Variants in ZNF181 observed in about 807,000 individuals in gnomAD.
The protein encoded by ZNF181 is zinc finger protein 181.
ZNF181 carries 8 observed loss-of-function variants against 11.9 expected under a neutral mutation model. The ratio of observed to expected loss-of-function variants is 0.67; its 90% confidence interval spans 0.39 to 1.21. The LOEUF (loss-of-function observed/expected upper bound fraction) is 1.21. Ranked by LOEUF, ZNF181 falls within the 50% of genes most tolerant of loss-of-function variation. ZNF181 has a pLI of 0.01. For synonymous variants in ZNF181, 202 were observed against 221.1 expected (o/e 0.91, Z 0.77); for missense variants, 542 against 670.9 (o/e 0.81, Z 2.12).
intron 1 of ZNF181, among the ~76,000 whole-genome samples, chr19:34,737,533 G>T (rs1360912344): frequency 6.6e-6 from 1 of 152,188 alleles, no homozygotes; most frequent in Non-Finnish European, 1.5e-5. Flanking sequence ...TTACTAAAAA[G>T]TAATATTGTG....
chr19:34,737,176 G>A (rs963947557), intron 1 of ZNF181, among the ~76,000 whole-genome samples: 3 of 152,196 alleles, frequency 2.0e-5, no homozygotes, highest in African/African-American at 7.2e-5. Context: ...AGTTGATTTA[G>A]TGATTATTAA....
At chr19:34,737,343 A>G (rs556490518) in intron 1 of ZNF181, among the ~76,000 whole-genome samples, 1 of 152,376 alleles carries the variant, frequency 6.6e-6, no homozygotes, top group South Asian at 2.1e-4. Context: ...CATGCAAAAT[A>G]TCCAAATAAT....
chr19:34,738,301 C>T (rs748906449), intron 1 of ZNF181, among the ~76,000 whole-genome samples: 5 of 151,722 alleles, frequency 3.3e-5, no homozygotes, highest in Non-Finnish European at 4.4e-5. Flanking sequence ...GGTGGAAGGG[C>T]GAAGAGAAGA....
Position 34,740,838 on chromosome 19 carries a change from A to G in ZNF181, c.457A>G (p.Ser153Gly). Residue 153 changes from serine (S) to glycine (G), a missense_variant, in exon 4 of 4, where the codon AGT becomes GGT. By Grantham distance (56) the Ser-to-Gly change is moderately conservative (BLOSUM62 0). Transcript: ENST00000492450. ...LTSRESPTADSVYKYNIFRST... is the reference protein window; with the variant it reads ...LTSRESPTADGVYKYNIFRST... ...CTCTAGAGAAAGCCCCACTGCAGAC[A>G]GTGTTTACAAATACAATATATTTAG... 2 of 1,614,158 alleles carry G rather than the reference A, an allele frequency of 1.2e-6. No homozygotes were observed. The highest frequency in any genetic ancestry group is 1.7e-6 in the Non-Finnish European group (2 of 1,180,014).
At chr19:34,738,549 TG>T (rs1213432302) in intron 1 of ZNF181, among the ~76,000 whole-genome samples, 54 of 151,826 alleles carry the variant, frequency 3.6e-4, no homozygotes, top group African/African-American at 1.2e-3. Flanking sequence ...TTTTTGTTTT[TG>T]TTTTTTTTTT....
rs1049018652 is a variant in ZNF181, at chr19:34,740,510, G to A, written c.230-101G>A. The A allele has an allele frequency of 1.3e-5, 15 of 1,164,762 alleles. No individual in the cohort carries two copies. The African/African-American group carries it at 2.2e-4, about 17-fold the overall frequency. The allele number at this position is 1,164,762 out of a possible 1,614,324, so 72.2% of individuals were successfully genotyped here. A position where few individuals can be genotyped will look rare whatever the true frequency, so the allele number is the denominator to read the frequency against. On this transcript the variant is annotated intron_variant, in intron 3 of 3. Coordinates refer to ENST00000492450, the MANE Select transcript of ZNF181 (RefSeq NM_001029997.4). ...TGTCAGAACTATGTGTTTTCTGGGGGCTTCATTTCTAATCCAGTTCTCCTA... is the reference window on the plus strand; with the variant it reads ...TGTCAGAACTATGTGTTTTCTGGGGACTTCATTTCTAATCCAGTTCTCCTA...
rs952825958 is a variant in ZNF181, at chr19:34,741,407, T to C, written c.1026T>C (p.Ile342=). The change falls in exon 4 of 4, where the codon ATT becomes ATC. Residue 342 remains isoleucine (I), a synonymous_variant. Coordinates refer to ENST00000492450, the MANE Select transcript of ZNF181 (RefSeq NM_001029997.4). ...RVSHLIEHLR[I]HTQEKLYECR... ...CCCATCTTATTGAACATCTAAGAATTCATACTCAAGAAAAACTCTATGAGT... is the reference window on the plus strand; with the variant it reads ...CCCATCTTATTGAACATCTAAGAATCCATACTCAAGAAAAACTCTATGAGT... 7 of 1,613,788 alleles carry C rather than the reference T, an allele frequency of 4.3e-6. No homozygotes were observed. The highest frequency in any genetic ancestry group is 5.1e-6 in the Non-Finnish European group (6 of 1,179,876).
rs2069019756 is a variant in ZNF181, at chr19:34,744,899, A to G, written c.*2802A>G. The G allele has an allele frequency of 6.6e-6, 1 of 152,184 alleles. No homozygotes were observed. Among genetic ancestry groups the G allele is most frequent in the South Asian group, 2.1e-4 (1 of 4,820 alleles). The allele number at this position is 152,184 out of a possible 1,614,324, so 9.4% of individuals were successfully genotyped here. A position where few individuals can be genotyped will look rare whatever the true frequency, so the allele number is the denominator to read the frequency against. On this transcript the variant is annotated 3_prime_UTR_variant, in exon 4 of 4. Transcript: ENST00000492450. ...TGCTACCATGTCACTTTGTTATGAG[A>G]GGATTCATCGAAATACCTGTGCTTT...
In ZNF181 at chr19:34,736,172, A is replaced by G. The variant is rs757682829; in HGVS notation, c.9+1126A>G. The G allele has an allele frequency of 2.7e-5, 19 of 702,918 alleles. 1 individual carries two copies. Among genetic ancestry groups the G allele is most frequent in the South Asian group, 2.7e-4 (18 of 67,606 alleles). The allele number at this position is 702,918 out of a possible 1,614,324, so 43.5% of individuals were successfully genotyped here. ...AATGACGAACTGGTGGGGCAGAATC[A>G]TGGCATGGAAGGTGAAGCTTGCATA... is the stretch of plus-strand genomic sequence containing the variant. On this transcript the variant is annotated intron_variant, in intron 1 of 3. Coordinates refer to ENST00000492450, the MANE Select transcript of ZNF181 (RefSeq NM_001029997.4).
chr19:34,739,071 C>G (rs1367491012), intron 1 of ZNF181, 77 bp from the exon 2 acceptor site: 140 of 1,590,342 alleles, frequency 8.8e-5, no homozygotes, highest in Non-Finnish European at 1.2e-4. Flanking sequence ...CTCCCACAAC[C>G]AGGCTAATTT....
intron 1 of ZNF181, 80 bp from the exon 2 acceptor site, chr19:34,739,065 CACA>C: frequency 1.3e-6 from 2 of 1,585,104 alleles, no homozygotes; most frequent in Non-Finnish European, 1.7e-6. Flanking sequence ...CCATTTCTCC[CACA>C]ACCAGGCTAA....
chr19:34,741,225 C>G lies in ZNF181; in HGVS notation c.844C>G (p.Arg282Gly), dbSNP rs201747475. 12 of 1,613,956 alleles carry G rather than the reference C, an allele frequency of 7.4e-6. No individual in the cohort carries two copies. The highest frequency in any genetic ancestry group is 1.0e-5 in the Non-Finnish European group (12 of 1,179,924). ...TTTTAGCCATGGCTCATCCCTTACA[C>G]GACATCTGATAAGCCATAGTGGAGA... ...KTFSHGSSLT[R>G]HLISHSGEKP... Residue 282 changes from arginine to glycine, a missense_variant, in exon 4 of 4, where the codon CGA becomes GGA. Physicochemically the swap from Arg to Gly is moderately radical, Grantham distance 125. Coordinates refer to ENST00000492450, the MANE Select transcript of ZNF181 (RefSeq NM_001029997.4).
rs2068937581 is a variant in ZNF181, at chr19:34,739,561, T to C, written c.169T>C (p.Leu57=). ...AACTAAGCCATATGTGATCACGTTA[T>C]TGGAGGATGGAAAAGAGCCCTGGAT... is the stretch of plus-strand genomic sequence containing the variant. ...SVTKPYVITL[L]EDGKEPWMME... Residue 57 remains leucine (L), a synonymous_variant, in exon 3 of 4, where the codon TTG becomes CTG. Coordinates refer to ENST00000492450, the MANE Select transcript of ZNF181 (RefSeq NM_001029997.4). 2 of 1,613,964 alleles carry C rather than the reference T, an allele frequency of 1.2e-6. No individual in the cohort carries two copies. The highest frequency in any genetic ancestry group is 1.3e-5 in the African/African-American group (1 of 74,900).
chr19:34,740,699 A>C lies in ZNF181; in HGVS notation c.318A>C (p.Lys106Asn), dbSNP rs1321712605. 2 of 1,612,692 alleles carry C rather than the reference A, an allele frequency of 1.2e-6. No individual in the cohort carries two copies. The highest frequency in any genetic ancestry group is 1.7e-6 in the Non-Finnish European group (2 of 1,179,502). Residue 106 changes from lysine (K) to asparagine (N), a missense_variant, in exon 4 of 4, where the codon AAA (lysine) becomes AAC (asparagine). Lys to Asn is a moderately conservative substitution (Grantham distance 94). Transcript: ENST00000492450. Reference sequence around the variant, plus strand: ...CACCCCAAACAGTAATAATAGAAAAAGTTGTAAAACAAAGTTATGAATTTT... The same window carrying C: ...CACCCCAAACAGTAATAATAGAAAACGTTGTAAAACAAAGTTATGAATTTT... ...EDSPQTVIIE[K>N]VVKQSYEFSN...
At position 34,742,975 on chromosome 19, in the gene ZNF181, C is replaced by G. The variant is rs2069002574; in HGVS notation, c.*878C>G. On this transcript the variant is annotated 3_prime_UTR_variant, in exon 4 of 4. Coordinates refer to ENST00000492450, the MANE Select transcript of ZNF181 (RefSeq NM_001029997.4). Reference sequence around the variant, plus strand: ...CAAACCTAGAGAAAAATGACCTGCTCTTTATACTAAGAATAGCAGTATTTT... The same window carrying G: ...CAAACCTAGAGAAAAATGACCTGCTGTTTATACTAAGAATAGCAGTATTTT... 6.6e-6 allele frequency: 1 copy of G among 152,156 alleles called. No individual in the cohort carries two copies. Among genetic ancestry groups the G allele is most frequent in the Non-Finnish European group, 1.5e-5 (1 of 68,030 alleles). 9.4% of individuals were successfully genotyped at this position (152,156 alleles called of 1,614,324 possible).
chr19:34,742,097 A>C lies in ZNF181; in HGVS notation c.1716A>C (p.Ter572CysextTer15). ...AATCTTACAGAAGAGAAACTGTATG[A>C]AGCAGTGGTTATCATGGTAAATTTC... ...CEKSYRRETV[*>C] Residue 572 changes from the stop codon to cysteine, a stop_lost, in exon 4 of 4, where the codon TGA (stop) becomes TGC (cysteine). Transcript: ENST00000492450. 2 of 1,543,916 alleles carry C rather than the reference A, an allele frequency of 1.3e-6. No homozygotes were observed. The highest frequency in any genetic ancestry group is 1.7e-6 in the Non-Finnish European group (2 of 1,148,240).
At chr19:34,738,538 T>G (rs181201507) in intron 1 of ZNF181, among the ~76,000 whole-genome samples, 235 of 152,080 alleles carry the variant, frequency 1.5e-3, no homozygotes, top group African/African-American at 4.8e-3. Context: ...TAAAGGTTTT[T>G]TTTTTGTTTT....
In ZNF181 at chr19:34,741,118, T is replaced by C; in HGVS notation, c.737T>C (p.Phe246Ser). 1 of 1,614,048 alleles carries C rather than the reference T, an allele frequency of 6.2e-7. No individual in the cohort carries two copies. Among genetic ancestry groups the C allele is most frequent in the Non-Finnish European group, 8.5e-7 (1 of 1,179,920 alleles). ...IYTCSECGKA[F>S]GKQSILNRHW... ...ACATGCAGTGAATGTGGGAAAGCCT[T>C]TGGCAAACAGTCAATCCTCAATCGC... Residue 246 changes from phenylalanine (F) to serine (S), a missense_variant, in exon 4 of 4, where the codon TTT becomes TCT. By Grantham distance (155) the Phe-to-Ser change is radical. Coordinates refer to ENST00000492450, the MANE Select transcript of ZNF181 (RefSeq NM_001029997.4).
rs1430859519 is a variant in ZNF181 at position 34,744,219 on chromosome 19, A to T, written c.*2122A>T. On this transcript the variant is annotated 3_prime_UTR_variant, in exon 4 of 4. Coordinates refer to ENST00000492450, the MANE Select transcript of ZNF181 (RefSeq NM_001029997.4). ...AAGCCAAAGCACAGAGGCATATTCC[A>T]ATAGCAATTTGCAAGAGACAGTAGG... 1 of 152,234 alleles carries T rather than the reference A, an allele frequency of 6.6e-6. No homozygotes were observed. Among genetic ancestry groups the T allele is most frequent in the Non-Finnish European group, 1.5e-5 (1 of 68,034 alleles). The allele number at this position is 152,234 out of a possible 1,614,324, so 9.4% of individuals were successfully genotyped here. A position where few individuals can be genotyped will look rare whatever the true frequency, so the allele number is the denominator to read the frequency against.
Sources: gnomAD v4.1 joint callset for allele counts (sites outside exome capture counted in the v4.1 genomes callset) on GRCh38, gnomAD v4.1.1 for gene constraint, MANE v1.5 for transcripts, NCBI Gene and HGNC (gene_info 2026-07-23, HGNC 2026-07-21) for gene names.